IKZF3: variants seen among roughly 807,000 people sequenced by gnomAD.
The protein encoded by IKZF3 is zinc finger protein Aiolos.
A neutral mutation model predicts 49.0 loss-of-function variants in IKZF3; 10 were observed. The observed-to-expected ratio is 0.20, with a 90% confidence interval of 0.13 to 0.35. The LOEUF (loss-of-function observed/expected upper bound fraction) is 0.35. Ranked by LOEUF, IKZF3 falls within the 10% of genes least tolerant of loss-of-function variation. The probability of loss-of-function intolerance (pLI) is 1.00; values close to 1 mark genes in which losing one functional copy is unlikely to be tolerated. For synonymous variants in IKZF3, 209 were observed against 228.2 expected (o/e 0.92, Z 0.76); for missense variants, 498 against 664.8 (o/e 0.75, Z 2.76).
chr17:39,765,553 AT>A lies in IKZF3; in HGVS notation c.*236del. 2.2e-6 allele frequency: 1 copy of A among 460,230 alleles called. No homozygotes were observed. The highest frequency in any genetic ancestry group is 3.9e-6 in the Non-Finnish European group (1 of 258,750). 28.5% of individuals were successfully genotyped at this position (460,230 alleles called of 1,614,324 possible). ...AATACCTTTTTGGCTTTTAAATTCCATAAAATTCAAGTCCCTGATGGGAAAA... is the reference window on the plus strand; with the variant it reads ...AATACCTTTTTGGCTTTTAAATTCCAAAAATTCAAGTCCCTGATGGGAAAA... On this transcript the variant is annotated 3_prime_UTR_variant, in exon 8 of 8. Transcript: ENST00000346872.
chr17:39,846,836 G>T (rs2062646868), intron 1 of IKZF3, among the ~76,000 whole-genome samples: 1 of 151,806 alleles, frequency 6.6e-6, no homozygotes, highest in Non-Finnish European at 1.5e-5. Context: ...CTACTCCATG[G>T]TCTGTTTTCC....
chr17:39,801,858 T>C (rs1366397283), intron 3 of IKZF3, among the ~76,000 whole-genome samples: 2 of 152,112 alleles, frequency 1.3e-5, no homozygotes, highest in Admixed American at 6.6e-5. Context: ...TTTAAAATAA[T>C]GGACGTCTGT....
chr17:39,863,868 A>G (rs2063286486), intron 1 of IKZF3, among the ~76,000 whole-genome samples: 1 of 152,186 alleles, frequency 6.6e-6, no homozygotes, highest in Non-Finnish European at 1.5e-5. Flanking sequence ...GATGTAGGGT[A>G]GACCCCCCAT....
In IKZF3 at chr17:39,864,179, G is replaced by A. The variant is rs1417521734; in HGVS notation, c.-53C>T. On this transcript the variant is annotated 5_prime_UTR_variant, in exon 1 of 8. In the 5' UTR this introduces an upstream ATG that the reference lacks. Transcript: ENST00000346872. Reference sequence around the variant, plus strand: ...CGCTGTGGCTACTCGGCCTCTCCACGTGCTCCTGCCGTCGCCTGGACTCAG... The same window carrying A: ...CGCTGTGGCTACTCGGCCTCTCCACATGCTCCTGCCGTCGCCTGGACTCAG... 3.7e-6 allele frequency: 6 copies of A among 1,604,176 alleles called. No individual in the cohort carries two copies. Among genetic ancestry groups the A allele is most frequent in the Non-Finnish European group, 4.3e-6 (5 of 1,175,324 alleles).
intron 1 of IKZF3, among the ~76,000 whole-genome samples, chr17:39,851,617 A>G (rs919860475): frequency 1.3e-5 from 2 of 152,150 alleles, no homozygotes; most frequent in Non-Finnish European, 2.9e-5. Context: ...GAAACTATCT[A>G]TGAGGATACA....
At chr17:39,811,657 T>G (rs962614539) in intron 3 of IKZF3, among the ~76,000 whole-genome samples, 3 of 152,352 alleles carry the variant, frequency 2.0e-5, no homozygotes, top group Non-Finnish European at 4.4e-5. Flanking sequence ...AATGCCAAAA[T>G]GTACTCACAT....
intron 1 of IKZF3, among the ~76,000 whole-genome samples, chr17:39,847,621 C>A (rs930403614): frequency 9.2e-5 from 14 of 152,200 alleles, no homozygotes; most frequent in African/African-American, 3.4e-4. Context: ...GTCTTCTGAA[C>A]CCGTTTTTGT....
chr17:39,800,157 A>C (rs560406097), intron 3 of IKZF3, among the ~76,000 whole-genome samples: 1 of 152,330 alleles, frequency 6.6e-6, no homozygotes, highest in South Asian at 2.1e-4. Context: ...AAAGTGAATA[A>C]ACCTTTTATA....
chr17:39,844,345 T>C (rs2062565643), intron 1 of IKZF3, among the ~76,000 whole-genome samples: 2 of 152,210 alleles, frequency 1.3e-5, no homozygotes, highest in Non-Finnish European at 2.9e-5. Flanking sequence ...ATTGTCTACA[T>C]TTCTCCTGTT....
At chr17:39,857,032 G>A (rs760076954) in intron 1 of IKZF3, among the ~76,000 whole-genome samples, 25 of 152,190 alleles carry the variant, frequency 1.6e-4, no homozygotes, top group East Asian at 7.7e-4. Context: ...AAGTTAGCCC[G>A]TGAAGCACCT....
chr17:39,858,022 A>G (rs2063114715), intron 1 of IKZF3, among the ~76,000 whole-genome samples: 1 of 152,120 alleles, frequency 6.6e-6, no homozygotes, highest in African/African-American at 2.4e-5. Flanking sequence ...ACAGTCTAGA[A>G]GGGGCTATAG....
At chr17:39,774,416 G>A (rs2060525930) in intron 7 of IKZF3, among the ~76,000 whole-genome samples, 1 of 152,110 alleles carries the variant, frequency 6.6e-6, no homozygotes, top group African/African-American at 2.4e-5. Flanking sequence ...AAGAGGACAA[G>A]AGAGGAGAGG....
chr17:39,783,633 A>T (rs1390658461), intron 6 of IKZF3, among the ~76,000 whole-genome samples: 2 of 152,168 alleles, frequency 1.3e-5, no homozygotes, highest in African/African-American at 4.8e-5. Context: ...ATTGATTTTT[A>T]AAAAGAATAG....
chr17:39,820,735 G>A (rs1270102602), intron 3 of IKZF3, among the ~76,000 whole-genome samples: 2 of 152,262 alleles, frequency 1.3e-5, no homozygotes, highest in Non-Finnish European at 2.9e-5. Context: ...TTATGCTAAC[G>A]AGGTAGCTGA....
chr17:39,840,149 T>C (rs1231072045), intron 1 of IKZF3, among the ~76,000 whole-genome samples: 3 of 152,218 alleles, frequency 2.0e-5, no homozygotes, highest in Admixed American at 1.3e-4. Context: ...TGCAGAAGTA[T>C]AAATCTGTTT....
At chr17:39,798,568 C>T (rs561526875) in intron 3 of IKZF3, among the ~76,000 whole-genome samples, 10 of 149,600 alleles carry the variant, frequency 6.7e-5, no homozygotes, top group Non-Finnish European at 1.3e-4. Context: ...TGCAGTGGTG[C>T]GATCTCTGCT....
chr17:39,801,188 T>C (rs112164330), intron 3 of IKZF3, among the ~76,000 whole-genome samples: 4 of 152,210 alleles, frequency 2.6e-5, no homozygotes, highest in African/African-American at 9.6e-5. Context: ...TTTACAAGGA[T>C]CGGGGGTCAT....
chr17:39,843,186 T>C (rs1211140375), intron 1 of IKZF3, among the ~76,000 whole-genome samples: 1 of 152,102 alleles, frequency 6.6e-6, no homozygotes. Context: ...CTGGAGAAAC[T>C]TGAATGGGGT....
chr17:39,816,556 T>C (rs1011582002), intron 3 of IKZF3, among the ~76,000 whole-genome samples: 3 of 152,244 alleles, frequency 2.0e-5, no homozygotes, highest in Non-Finnish European at 4.4e-5. Context: ...GCAACAGAGA[T>C]TGTATAGCCC....
Sources: allele counts gnomAD v4.1 joint callset (sites outside exome capture counted in the v4.1 genomes callset), GRCh38; gene constraint gnomAD v4.1.1; transcripts MANE v1.5; gene names NCBI Gene and HGNC (gene_info 2026-07-23, HGNC 2026-07-21).